The following LMNB1 variants were observed in gnomAD, a reference collection of about 807,000 sequenced individuals.
The protein encoded by LMNB1 is lamin B1.
LMNB1 carries 23 observed loss-of-function variants against 67.1 expected under a neutral mutation model. The ratio of observed to expected loss-of-function variants is 0.34; its 90% CI spans 0.25 to 0.49. LMNB1 has a LOEUF of 0.49. Ranked by LOEUF, LMNB1 falls within the 20% of genes least tolerant of loss-of-function variation. LMNB1 has a pLI of 0.99. For missense variants in LMNB1, 634 were observed against 746.5 expected (o/e 0.85, Z 1.76); for synonymous variants, 281 against 282.9 (o/e 0.99, Z 0.07).
chr5:126,823,056 G>C (rs1340115673), intron 8 of LMNB1, among the ~76,000 whole-genome samples, 171 bp downstream of exon 8: 1 of 152,188 alleles, frequency 6.6e-6, no homozygotes, highest in South Asian at 2.1e-4. Flanking sequence ...CTGTCTTATT[G>C]AGAGTAGTGA....
At chr5:126,809,404 T>C (rs1190648905) in intron 3 of LMNB1, among the ~76,000 whole-genome samples, 2 of 152,266 alleles carry the variant, frequency 1.3e-5, no homozygotes, top group East Asian at 3.9e-4. Context: ...AATGGTTTTA[T>C]GGCTGGGCAA....
intron 5 of LMNB1, among the ~76,000 whole-genome samples, chr5:126,814,448 G>T (rs1313459342): frequency 6.6e-6 from 1 of 152,008 alleles, no homozygotes; most frequent in Non-Finnish European, 1.5e-5. Context: ...TTATTAATAA[G>T]TAGTAGTGGG....
At chr5:126,801,029 G>A (rs1450051942) in intron 1 of LMNB1, among the ~76,000 whole-genome samples, 1 of 123,334 alleles carries the variant, frequency 8.1e-6, no homozygotes, top group Non-Finnish European at 1.6e-5. Flanking sequence ...TCTCACCAAG[G>A]CTGGAGTGCA....
chr5:126,805,473 A>G (rs1353951057), intron 2 of LMNB1, 98 bp from the exon 3 acceptor site: 1 of 813,580 alleles, frequency 1.2e-6, no homozygotes, highest in Admixed American at 2.6e-5. Flanking sequence ...ATATATAGGA[A>G]TTTTAACACT....
At chr5:126,818,528 C>T (rs186210603) in intron 5 of LMNB1, among the ~76,000 whole-genome samples, 6 of 152,298 alleles carry the variant, frequency 3.9e-5, no homozygotes, top group South Asian at 2.1e-4. Context: ...AGGCGTAAGC[C>T]ACCACACCCA....
chr5:126,818,708 CT>C (rs1751786109), intron 5 of LMNB1, among the ~76,000 whole-genome samples: 1 of 152,112 alleles, frequency 6.6e-6, no homozygotes, highest in Non-Finnish European at 1.5e-5. Flanking sequence ...TGGAATATGT[CT>C]TTTATTCTTT....
chr5:126,827,853 C>T (rs1448105150), intron 9 of LMNB1, among the ~76,000 whole-genome samples: 1 of 152,170 alleles, frequency 6.6e-6, no homozygotes, highest in Non-Finnish European at 1.5e-5. Flanking sequence ...GGTCAAATCA[C>T]ACCGTCCCCT....
intron 9 of LMNB1, among the ~76,000 whole-genome samples, chr5:126,827,856 C>T (rs887395496): frequency 1.3e-5 from 2 of 152,110 alleles, no homozygotes; most frequent in Admixed American, 6.6e-5. Context: ...CAAATCACAC[C>T]GTCCCCTTAG....
rs914412394 is a variant in LMNB1 at position 126,829,822 on chromosome 5, G to T, written c.1612-2872G>T. On this transcript the variant is annotated intron_variant, in intron 9 of 10. Coordinates refer to ENST00000261366, the MANE Select transcript of LMNB1 (RefSeq NM_005573.4). ...TCCCCTCTACAGCCACATTGCACTG[G>T]GCTCCTTGTGACACACGTGTGCTCC... Among the ~76,000 whole-genome samples the T allele has an allele frequency of 2.0e-5, 3 of 151,936 alleles. No homozygotes were observed. The East Asian group carries it at 5.8e-4, about 30-fold the overall frequency.
At chr5:126,798,250 C>T (rs944064896) in intron 1 of LMNB1, among the ~76,000 whole-genome samples, 1 of 152,104 alleles carries the variant, frequency 6.6e-6, no homozygotes, top group Non-Finnish European at 1.5e-5. Flanking sequence ...CAGTAGTTGA[C>T]CATCCTGGCC....
At position 126,810,333 on chromosome 5, in the gene LMNB1, C is replaced by A; in HGVS notation, c.796C>A (p.Gln266Lys). 1 of 1,606,730 alleles carries A rather than the reference C, an allele frequency of 6.2e-7. No homozygotes were observed. Among genetic ancestry groups the A allele is most frequent in the Non-Finnish European group, 8.5e-7 (1 of 1,174,126 alleles). ...QVRLYKEELE[Q>K]TYHAKLENAR... ...GAGGCTGTATAAGGAGGAGCTGGAG[C>A]AGACTTACCATGCCAAAGTGAGCTC... Residue 266 changes from glutamine (Q) to lysine (K), a missense_variant, in exon 4 of 11, where the codon CAG becomes AAG. By Grantham distance (53) the Gln-to-Lys change is moderately conservative. Coordinates refer to ENST00000261366, the MANE Select transcript of LMNB1 (RefSeq NM_005573.4).
At chr5:126,832,420 C>A (rs1007060327) in intron 9 of LMNB1, among the ~76,000 whole-genome samples, 5 of 151,974 alleles carry the variant, frequency 3.3e-5, no homozygotes, top group African/African-American at 1.2e-4. Context: ...CTGCCTCAGC[C>A]TCCTGAGTAG....
Position 126,811,766 on chromosome 5 carries a change from C to G in LMNB1, c.814-7C>G. ...TAAGACTGACTATGCTTTGCTTCTT[C>G]TTTTAGCTTGAGAATGCCAGACTGT... On this transcript the variant is annotated splice_region_variant and splice_polypyrimidine_tract_variant and intron_variant, in intron 4 of 10. Transcript: ENST00000261366. The G allele has an allele frequency of 1.3e-6, 2 of 1,599,364 alleles. No homozygotes were observed. The highest frequency in any genetic ancestry group is 1.7e-6 in the Non-Finnish European group (2 of 1,168,494).
chr5:126,791,021 C>CAATA (rs565456745), intron 1 of LMNB1, among the ~76,000 whole-genome samples: 1 of 151,720 alleles, frequency 6.6e-6, no homozygotes, highest in African/African-American at 2.4e-5. Context: ...AACTCTGTCT[C>CAATA]AATAAATAAA....
At position 126,804,820 on chromosome 5, in the gene LMNB1, T is replaced by A; in HGVS notation, c.404T>A (p.Leu135His). The change falls in exon 2 of 11, where the codon CTT becomes CAT. Residue 135 changes from leucine to histidine, a missense_variant. Physicochemically the swap from Leu to His is moderately conservative, Grantham distance 99. Transcript: ENST00000261366. The part of the protein sequence containing the change: ...ESDLNGAQIK[L>H]REYEAALNSK... ...GATCTTAATGGCGCCCAGATCAAGC[T>A]TCGAGAATATGAAGCAGCACTGAAT... 6.2e-7 allele frequency: 1 copy of A among 1,614,164 alleles called. No homozygotes were observed. The highest frequency in any genetic ancestry group is 8.5e-7 in the Non-Finnish European group (1 of 1,180,006).
intron 5 of LMNB1, 124 bp downstream of exon 5, chr5:126,812,022 G>C: frequency 8.9e-6 from 8 of 903,676 alleles, no homozygotes; most frequent in South Asian, 1.7e-5. Flanking sequence ...GTGTCATCCT[G>C]TGCTTTCGTC....
chr5:126,835,199 G>C (rs1752222089), intron 10 of LMNB1, among the ~76,000 whole-genome samples: 1 of 152,184 alleles, frequency 6.6e-6, no homozygotes, highest in African/African-American at 2.4e-5. Flanking sequence ...GAGGTTTTTA[G>C]CTTTTGTGAT....
intron 9 of LMNB1, among the ~76,000 whole-genome samples, chr5:126,832,195 G>A (rs941286739): frequency 6.6e-6 from 1 of 152,184 alleles, no homozygotes; most frequent in Non-Finnish European, 1.5e-5. Context: ...TTGAACCTGG[G>A]AAGTGAAGGT....
At chr5:126,818,492 C>T (rs1383284538) in intron 5 of LMNB1, among the ~76,000 whole-genome samples, 7 of 152,018 alleles carry the variant, frequency 4.6e-5, no homozygotes, top group Non-Finnish European at 1.0e-4. Flanking sequence ...TCCACCTGCC[C>T]CGGCCTCCCA....
Sources: gnomAD v4.1 joint callset for allele counts (sites outside exome capture counted in the v4.1 genomes callset) on GRCh38, gnomAD v4.1.1 for gene constraint, MANE v1.5 for transcripts, NCBI Gene and HGNC (gene_info 2026-07-23, HGNC 2026-07-21) for gene names.